Variants in RPE observed in about 807,000 individuals in gnomAD.
RPE encodes the protein ribulose-5-phosphate-3-epimerase.
In RPE, 16 loss-of-function variants were observed where a neutral mutation model predicts 24.6. The observed-to-expected ratio is 0.65, with a 90% CI of 0.44 to 0.99. The LOEUF (loss-of-function observed/expected upper bound fraction) is 0.99. Ranked by LOEUF, RPE falls within the 50% of genes least tolerant of loss-of-function variation. The pLI is 0.00. For missense variants in RPE, 240 were observed against 294.5 expected (o/e 0.81, Z 1.35); for synonymous variants, 93 against 98.4 (o/e 0.94, Z 0.33).
Position 210,020,055 on chromosome 2 carries a change from C to T in RPE, c.*264C>T, listed in dbSNP as rs1002958258. 9 of 270,914 alleles carry T rather than the reference C, an allele frequency of 3.3e-5. No homozygotes were observed. Among genetic ancestry groups the T allele is most frequent in the African/African-American group, 4.5e-5 (2 of 44,732 alleles). 16.8% of individuals were successfully genotyped at this position (270,914 alleles called of 1,614,324 possible). A position where few individuals can be genotyped will look rare whatever the true frequency, so the allele number is the denominator to read the frequency against. Reference sequence around the variant, plus strand: ...ATTTGATTTTTATAAAGTAAAAATACGGCTGCATTAGGGTTACAAACAGAA... The same window carrying T: ...ATTTGATTTTTATAAAGTAAAAATATGGCTGCATTAGGGTTACAAACAGAA... On this transcript the variant is annotated 3_prime_UTR_variant, in exon 6 of 6. Coordinates refer to ENST00000359429, the MANE Select transcript of RPE (RefSeq NM_199229.3).
chr2:210,006,267 TG>T (rs1277589164), intron 1 of RPE, among the ~76,000 whole-genome samples: 1 of 152,212 alleles, frequency 6.6e-6, no homozygotes, highest in Non-Finnish European at 1.5e-5. Context: ...CGGTCCTCTT[TG>T]GAGTCAGTAG....
At chr2:210,017,425 C>CAAAAAA in intron 4 of RPE, 48 bp from the exon 5 acceptor site, 5 of 1,104,232 alleles carry the variant, frequency 4.5e-6, no homozygotes, top group Non-Finnish European at 5.3e-6. Context: ...CCACCCCCAC[C>CAAAAAA]AACATACCCA....
intron 2 of RPE, among the ~76,000 whole-genome samples, chr2:210,013,808 T>G (rs973689202): frequency 5.3e-5 from 8 of 152,134 alleles, no homozygotes; most frequent in African/African-American, 1.9e-4. Flanking sequence ...TATATAGTGT[T>G]TTTTTAATGT....
intron 5 of RPE, chr2:210,018,340 A>T: frequency 3.5e-6 from 5 of 1,419,886 alleles, no homozygotes; most frequent in Non-Finnish European, 4.6e-6. Flanking sequence ...TTTTTGATGA[A>T]AATCTAGGCC....
chr2:210,004,550 T>A (rs2093604929), intron 1 of RPE, among the ~76,000 whole-genome samples: 1 of 152,224 alleles, frequency 6.6e-6, no homozygotes, highest in Admixed American at 6.5e-5. Context: ...TTACAGGGAA[T>A]GACTAAGACA....
At chr2:210,013,738 C>A (rs991233657) in intron 2 of RPE, among the ~76,000 whole-genome samples, 1 of 152,154 alleles carries the variant, frequency 6.6e-6, no homozygotes, top group African/African-American at 2.4e-5. Context: ...CTCAAGCAAT[C>A]CACTTGCCTT....
Position 210,006,257 on chromosome 2 carries a change from C to T in RPE, c.123-3400C>T, listed in dbSNP as rs921045137. Among the ~76,000 whole-genome samples, 6 of 152,156 alleles carry T rather than the reference C, an allele frequency of 3.9e-5. No individual in the cohort carries two copies. In the South Asian group the frequency reaches 6.2e-4, roughly 16 times the overall value. On this transcript the variant is annotated intron_variant, in intron 1 of 5. Transcript: ENST00000359429. ...GGCATTTGTTCAAAATTCAGATTCC[C>T]GGTCCTCTTTGGAGTCAGTAGGCTG...
intron 1 of RPE, among the ~76,000 whole-genome samples, chr2:210,007,527 G>A (rs2093645965): frequency 6.6e-6 from 1 of 152,184 alleles, no homozygotes; most frequent in Non-Finnish European, 1.5e-5. Context: ...CACCTTTAAT[G>A]TGATACTACC....
chr2:210,017,941 C>T, intron 5 of RPE: 1 of 558,078 alleles, frequency 1.8e-6, no homozygotes, highest in Non-Finnish European at 3.1e-6. Context: ...GACAGGGTTT[C>T]ACTATGTTGG....
chr2:210,015,487 ACT>A (rs2093758791), intron 2 of RPE, among the ~76,000 whole-genome samples: 1 of 151,930 alleles, frequency 6.6e-6, no homozygotes, highest in African/African-American at 2.4e-5. Flanking sequence ...TTATTGTTTG[ACT>A]CTCGCATTAA....
At chr2:210,016,711 G>A in intron 4 of RPE, 70 bp downstream of exon 4, 1 of 1,602,896 alleles carries the variant, frequency 6.2e-7, no homozygotes, top group Non-Finnish European at 8.5e-7. Context: ...TTATTGAAAG[G>A]CTTGTATATT....
In RPE at chr2:210,016,067, G is replaced by T; in HGVS notation, c.297G>T (p.Glu99Asp). 1 of 1,614,254 alleles carries T rather than the reference G, an allele frequency of 6.2e-7. No individual in the cohort carries two copies. The highest frequency in any genetic ancestry group is 8.5e-7 in the Non-Finnish European group (1 of 1,180,052). The change falls in exon 3 of 6, where the codon GAG becomes GAT. Residue 99 changes from glutamate (E) to aspartate (D), a missense_variant. Glu to Asp is a conservative substitution (Grantham distance 45). Transcript: ENST00000359429. ...NQYTFHLEATENPGALIKDIR... is the reference protein window; with the variant it reads ...NQYTFHLEATDNPGALIKDIR... ...ACACCTTTCATCTCGAGGCTACTGA[G>T]AACCCAGGGGCTTTGATTAAAGACA...
chr2:210,005,343 T>C (rs1340988262), intron 1 of RPE, among the ~76,000 whole-genome samples: 1 of 152,148 alleles, frequency 6.6e-6, no homozygotes, highest in Non-Finnish European at 1.5e-5. Context: ...GACCTCCAAT[T>C]TCTCCCCTGA....
In RPE at chr2:210,021,401, T is replaced by G. The variant is rs2093852994; in HGVS notation, c.*1610T>G. On this transcript the variant is annotated 3_prime_UTR_variant, in exon 6 of 6. Transcript: ENST00000359429. ...GCTTTGTGCCATGAATACGTCGCAT[T>G]TAATAACAAGCAACACACGGCATAT... 1 of 152,536 alleles carries G rather than the reference T, an allele frequency of 6.6e-6. No homozygotes were observed. The highest frequency in any genetic ancestry group is 1.5e-5 in the Non-Finnish European group (1 of 67,976). The allele number at this position is 152,536 out of a possible 1,614,324, so 9.4% of individuals were successfully genotyped here.
At chr2:210,012,160 A>C (rs576784213) in intron 2 of RPE, among the ~76,000 whole-genome samples, 2 of 152,336 alleles carry the variant, frequency 1.3e-5, no homozygotes, top group East Asian at 3.9e-4. Context: ...AAATACAGTG[A>C]TGGGAAAAGT....
At chr2:210,005,730 T>G (rs1002714530) in intron 1 of RPE, among the ~76,000 whole-genome samples, 8 of 152,212 alleles carry the variant, frequency 5.3e-5, no homozygotes, top group African/African-American at 1.9e-4. Context: ...CCTTTAGTCA[T>G]GTGGGGTGTA....
At chr2:210,009,839 A>C in intron 2 of RPE, 103 bp downstream of exon 2, 2 of 1,494,554 alleles carry the variant, frequency 1.3e-6, no homozygotes, top group Non-Finnish European at 1.9e-6. Context: ...CCTTTCCCCA[A>C]CTTTCCTATC....
chr2:210,011,879 C>T (rs1402610315), intron 2 of RPE, among the ~76,000 whole-genome samples: 2 of 144,190 alleles, frequency 1.4e-5, no homozygotes, highest in Admixed American at 7.1e-5. Flanking sequence ...ATGGGATCTC[C>T]CTGTATTGCC....
intron 1 of RPE, among the ~76,000 whole-genome samples, chr2:210,008,108 AG>A (rs2093653686): frequency 6.6e-6 from 1 of 152,166 alleles, no homozygotes; most frequent in African/African-American, 2.4e-5. Context: ...GGGAATGAAA[AG>A]GTTTGACTGA....
Sources: gnomAD v4.1 joint callset for allele counts (sites outside exome capture counted in the v4.1 genomes callset) on GRCh38, gnomAD v4.1.1 for gene constraint, MANE v1.5 for transcripts, NCBI Gene and HGNC (gene_info 2026-07-23, HGNC 2026-07-21) for gene names.